NCOA2: variants seen among roughly 807,000 people sequenced by gnomAD.
The protein encoded by NCOA2 is nuclear receptor coactivator 2.
In NCOA2, 21 loss-of-function variants were observed where a neutral mutation model predicts 145.1. The observed-to-expected ratio is 0.14, with a 90% CI of 0.10 to 0.21. The LOEUF is 0.21. Among genes scored for constraint, NCOA2 ranks in the 10% least tolerant of loss-of-function variants. NCOA2 has a pLI of 1.00. For synonymous variants in NCOA2, 619 were observed against 637.5 expected, an observed-to-expected ratio of 0.97 and a Z score of 0.44; for missense variants, 1,472 against 1,837.6, an observed-to-expected ratio of 0.80 and a Z score of 3.64.
intron 1 of NCOA2, among the ~76,000 whole-genome samples, chr8:70,356,616 A>G (rs925600975): frequency 1.6e-4 from 25 of 152,218 alleles, no homozygotes; most frequent in Non-Finnish European, 4.4e-5. Flanking sequence ...CAGATCACAA[A>G]TTCCTGATTA....
At chr8:70,157,835 C>CCA (rs1425098805) in intron 10 of NCOA2, among the ~76,000 whole-genome samples, 1 of 152,186 alleles carries the variant, frequency 6.6e-6, no homozygotes, top group Non-Finnish European at 1.5e-5. Context: ...TCTCCTCACC[C>CCA]CACACCCCTC....
intron 4 of NCOA2, among the ~76,000 whole-genome samples, chr8:70,181,600 T>C (rs961264390): frequency 1.3e-5 from 2 of 152,200 alleles, no homozygotes; most frequent in African/African-American, 4.8e-5. Context: ...AGAAGCTGTA[T>C]TATTTAAATT....
chr8:70,271,720 G>A (rs529118175), intron 2 of NCOA2, among the ~76,000 whole-genome samples: 2 of 152,228 alleles, frequency 1.3e-5, no homozygotes, highest in South Asian at 2.1e-4. Flanking sequence ...GGTCCTGCAC[G>A]ACTGAGATAG....
chr8:70,399,657 C>T (rs1814035343), intron 1 of NCOA2, among the ~76,000 whole-genome samples: 2 of 152,186 alleles, frequency 1.3e-5, no homozygotes, highest in African/African-American at 4.8e-5. Flanking sequence ...TTTTTCATAA[C>T]AATAAATAAG....
At chr8:70,358,183 T>C (rs760616180) in intron 1 of NCOA2, among the ~76,000 whole-genome samples, 1 of 152,192 alleles carries the variant, frequency 6.6e-6, no homozygotes, top group Non-Finnish European at 1.5e-5. Context: ...ATGGTAATAA[T>C]ACCCAAAGTG....
At chr8:70,388,741 T>C (rs534890108) in intron 1 of NCOA2, among the ~76,000 whole-genome samples, 1 of 151,996 alleles carries the variant, frequency 6.6e-6, no homozygotes, top group Non-Finnish European at 1.5e-5. Flanking sequence ...AAAGAGGAAA[T>C]GAACTGTTCT....
chr8:70,140,075 CATTA>C (rs1810210928), intron 14 of NCOA2, among the ~76,000 whole-genome samples: 1 of 152,076 alleles, frequency 6.6e-6, no homozygotes, highest in African/African-American at 2.4e-5. Flanking sequence ...TTGTACAGAC[CATTA>C]ATTTTTAAAA....
intron 1 of NCOA2, among the ~76,000 whole-genome samples, chr8:70,378,871 TGTCA>T (rs1465166969): frequency 6.6e-6 from 1 of 152,122 alleles, no homozygotes; most frequent in Non-Finnish European, 1.5e-5. Flanking sequence ...CAGGCACTGT[TGTCA>T]GTGCCTCATT....
intron 1 of NCOA2, among the ~76,000 whole-genome samples, chr8:70,391,416 T>C (rs1188390284): frequency 6.6e-6 from 1 of 152,210 alleles, no homozygotes; most frequent in Non-Finnish European, 1.5e-5. Context: ...GGTCAGATAC[T>C]ACCTCTTCAT....
At chr8:70,273,833 G>T in intron 2 of NCOA2, 1 of 563,054 alleles carries the variant, frequency 1.8e-6, no homozygotes, top group South Asian at 1.4e-5. Context: ...CCAAGAATGA[G>T]GCAAACTGAA....
chr8:70,400,005 T>C (rs1035413622), intron 1 of NCOA2, among the ~76,000 whole-genome samples: 1 of 152,226 alleles, frequency 6.6e-6, no homozygotes, highest in Admixed American at 6.5e-5. Flanking sequence ...CTTGGAAAGC[T>C]TTAATAAGAT....
intron 16 of NCOA2, among the ~76,000 whole-genome samples, chr8:70,129,366 T>C (rs2131529477): frequency 6.6e-6 from 1 of 152,338 alleles, no homozygotes; most frequent in East Asian, 1.9e-4. Context: ...GTAGAGTTCA[T>C]TTTAATTAGA....
At chr8:70,274,286 T>G (rs1825303614) in intron 2 of NCOA2, among the ~76,000 whole-genome samples, 1 of 152,098 alleles carries the variant, frequency 6.6e-6, no homozygotes, top group African/African-American at 2.4e-5. Context: ...TTAAAAGTGC[T>G]TGGTGGTTCT....
At chr8:70,276,705 TAACC>T (rs1283145343) in intron 2 of NCOA2, among the ~76,000 whole-genome samples, 4 of 152,182 alleles carry the variant, frequency 2.6e-5, no homozygotes, top group Non-Finnish European at 5.9e-5. Flanking sequence ...GAGGCCTTCC[TAACC>T]ATGTGAAACT....
At chr8:70,323,214 A>T (rs1429769586) in intron 1 of NCOA2, among the ~76,000 whole-genome samples, 1 of 152,248 alleles carries the variant, frequency 6.6e-6, no homozygotes, top group Non-Finnish European at 1.5e-5. Flanking sequence ...TCACATCAAT[A>T]ATCAAACATA....
At chr8:70,370,432 T>G (rs1811107901) in intron 1 of NCOA2, among the ~76,000 whole-genome samples, 1 of 152,226 alleles carries the variant, frequency 6.6e-6, no homozygotes, top group African/African-American at 2.4e-5. Flanking sequence ...CATATTTATT[T>G]CCTTTCCATC....
At chr8:70,396,762 G>A (rs1451469599) in intron 1 of NCOA2, among the ~76,000 whole-genome samples, 3 of 152,232 alleles carry the variant, frequency 2.0e-5, no homozygotes, top group Non-Finnish European at 4.4e-5. Context: ...GATACAATTT[G>A]CAGGACTGGA....
Position 70,221,999 on chromosome 8 carries a change from G to A in NCOA2, c.-19-5235C>T, listed in dbSNP as rs73684228. 6.2e-3 allele frequency among the ~76,000 whole-genome samples: 945 copies of A among 151,748 alleles called. 10 individuals are homozygous for A. The highest frequency in any genetic ancestry group is 0.024 in the Middle Eastern group (7 of 294). On this transcript the variant is annotated intron_variant, in intron 2 of 22. Transcript: ENST00000452400. ...ACTAGATCATAAGGGCTCTTTTAAC[G>A]TCATCTTTACGTAATACTGTAGTGC... is the stretch of plus-strand genomic sequence containing the variant.
At chr8:70,455,143 CAAAT>C in the NCOA2 span, among the ~76,000 whole-genome samples, 332 of 152,246 alleles carry the variant, frequency 2.2e-3, 1 homozygote, top group Non-Finnish European at 3.2e-3. Context: ...ATGACTTGAG[CAAAT>C]AAATACTTTT....
Sources: gnomAD v4.1 joint callset for allele counts (sites outside exome capture counted in the v4.1 genomes callset) on GRCh38, gnomAD v4.1.1 for gene constraint, MANE v1.5 for transcripts, NCBI Gene and HGNC (gene_info 2026-07-23, HGNC 2026-07-21) for gene names.